The following SETX variants were observed in gnomAD, a reference collection of about 807,000 sequenced individuals.
SETX encodes the protein helicase senataxin.
Under a neutral mutation model 227.2 loss-of-function variants are expected in SETX, and 90 were observed. The ratio of observed to expected loss-of-function variants is 0.40; its 90% CI spans 0.33 to 0.47. SETX has a LOEUF of 0.47. Ranked by LOEUF, SETX falls within the 20% of genes least tolerant of loss-of-function variation. The probability of loss-of-function intolerance (pLI) is 0.91; values close to 1 mark genes in which losing one functional copy is unlikely to be tolerated. For synonymous variants in SETX, 1,210 were observed against 1,113.2 expected, an observed-to-expected ratio of 1.09 and a Z score of -1.73; for missense variants, 3,052 against 3,181.5, an observed-to-expected ratio of 0.96 and a Z score of 0.98.
At chr9:132,321,653 T>TC (rs1554818571) in intron 10 of SETX, among the ~76,000 whole-genome samples, 6 of 15,738 alleles carry the variant, frequency 3.8e-4, no homozygotes, top group Admixed American at 9.4e-4. Context: ...CGATACTGTC[T>TC]CAAAAAAAAA....
At chr9:132,345,138 T>C (rs941341342) in intron 4 of SETX, among the ~76,000 whole-genome samples, 18 of 152,156 alleles carry the variant, frequency 1.2e-4, no homozygotes, top group African/African-American at 4.1e-4. Context: ...GCTAGCGGCA[T>C]TTAGTAGACA....
chr9:132,348,945 C>T (rs150463393), intron 3 of SETX, among the ~76,000 whole-genome samples: 42 of 152,144 alleles, frequency 2.8e-4, no homozygotes, highest in African/African-American at 9.9e-4. Flanking sequence ...CATAGCAAAA[C>T]AAACTATGAA....
intron 7 of SETX, among the ~76,000 whole-genome samples, chr9:132,333,416 TACACACAC>T (rs764524464): frequency 3.1e-4 from 27 of 88,068 alleles, no homozygotes; most frequent in African/African-American, 8.8e-4. Flanking sequence ...AAAATATATA[TACACACAC>T]ACACACACAC....
Position 132,326,599 on chromosome 9 carries a change from AATT to A in SETX, c.4996_4998del (p.Asn1666del). On this transcript the variant is annotated inframe_deletion, in exon 10 of 26. Transcript: ENST00000224140. ...GGAACTTTGCAACCTTGCCTGTTGG[AATT>A]ATTCGGAGACTGAGGATGAAGAACA... 2 of 1,614,202 alleles carry A rather than the reference AATT, an allele frequency of 1.2e-6. No homozygotes were observed. The highest frequency in any genetic ancestry group is 4.5e-5 in the East Asian group (2 of 44,888).
chr9:132,269,769 T>C (rs1365260355), intron 24 of SETX, 67 bp from the exon 25 acceptor site: 5 of 1,503,992 alleles, frequency 3.3e-6, no homozygotes, highest in Non-Finnish European at 4.6e-6. Flanking sequence ...GAGACAAAGG[T>C]GGACTCTAGA....
chr9:132,319,256 GGCTACTATAGTA>G (rs1249819586), intron 10 of SETX, among the ~76,000 whole-genome samples: 2 of 151,690 alleles, frequency 1.3e-5, no homozygotes, highest in African/African-American at 4.9e-5. Context: ...CTTTCTCCTG[GGCTACTATAGTA>G]GCCCCTTGAC....
At chr9:132,324,873 A>G (rs1165700944) in intron 10 of SETX, among the ~76,000 whole-genome samples, 3 of 152,220 alleles carry the variant, frequency 2.0e-5, no homozygotes, top group Admixed American at 6.5e-5. Flanking sequence ...ACCTGCCTTG[A>G]AAACACACAC....
intron 3 of SETX, 39 bp downstream of exon 3, chr9:132,349,213 T>C (rs1343135585): frequency 6.3e-7 from 1 of 1,590,994 alleles, no homozygotes; most frequent in Non-Finnish European, 8.6e-7. Flanking sequence ...TTCCCAGCTA[T>C]CAAGCTCTGA....
At position 132,281,503 on chromosome 9, in the gene SETX, T is replaced by C. The variant is rs754128040; in HGVS notation, c.6618A>G (p.Gly2206=). Residue 2206 remains glycine, a synonymous_variant, in exon 20 of 26, where the codon GGA becomes GGG. Transcript: ENST00000224140. Reference sequence around the variant, plus strand: ...CTGTCGGAGGGAGCTGCTTAGGATCTCCTACTAGGATGAGCTTATTGCAGC... The same window carrying C: ...CTGTCGGAGGGAGCTGCTTAGGATCCCCTACTAGGATGAGCTTATTGCAGC... The part of the protein sequence containing the change: ...IHRCNKLILV[G]DPKQLPPTVI... 1 of 1,613,958 alleles carries C rather than the reference T, an allele frequency of 6.2e-7. No homozygotes were observed. The highest frequency in any genetic ancestry group is 1.7e-5 in the Admixed American group (1 of 60,010).
intron 25 of SETX, among the ~76,000 whole-genome samples, chr9:132,265,263 G>C (rs955774336): frequency 1.7e-5 from 2 of 116,104 alleles, no homozygotes; most frequent in African/African-American, 7.1e-5. Context: ...GACTCACTCT[G>C]TTGCCAGGCT....
At chr9:132,306,943 C>T (rs1352059679) in intron 11 of SETX, among the ~76,000 whole-genome samples, 2 of 152,204 alleles carry the variant, frequency 1.3e-5, no homozygotes, top group Non-Finnish European at 2.9e-5. Context: ...AACCAAAATA[C>T]TCCCTTTTTA....
rs1268871898 is a variant in SETX, at chr9:132,328,923, T to C, written c.2675A>G (p.Asp892Gly). ...NNCKIQEFHV[D>G]GKELIPFTEM... is the part of the protein sequence containing the mutation. ...TGTAAAAGGGATCAATTCTTTACCATCAACATGAAATTCCTGTATTTTACA... is the reference window on the plus strand; with the variant it reads ...TGTAAAAGGGATCAATTCTTTACCACCAACATGAAATTCCTGTATTTTACA... Residue 892 changes from aspartate to glycine, a missense_variant, in exon 10 of 26, where the codon GAT becomes GGT. By Grantham distance (94) the Asp-to-Gly change is moderately conservative (BLOSUM62 -1). Transcript: ENST00000224140. 6.2e-7 allele frequency: 1 copy of C among 1,613,104 alleles called. No homozygotes were observed. Among genetic ancestry groups the C allele is most frequent in the Admixed American group, 1.7e-5 (1 of 59,852 alleles).
chr9:132,351,963 T>C (rs1011666351), intron 2 of SETX, among the ~76,000 whole-genome samples: 5 of 152,226 alleles, frequency 3.3e-5, no homozygotes, highest in Non-Finnish European at 7.3e-5. Context: ...TGCTTCACCA[T>C]AGGTATTACT....
At chr9:132,342,431 T>C (rs767246477) in intron 5 of SETX, among the ~76,000 whole-genome samples, 13 of 152,188 alleles carry the variant, frequency 8.5e-5, no homozygotes, top group Admixed American at 3.3e-4. Flanking sequence ...TTGAGTTCAA[T>C]TCAACATACT....
rs1226210209 is a variant in SETX at position 132,327,472 on chromosome 9, C to A, written c.4126G>T (p.Ala1376Ser). 2 of 1,614,146 alleles carry A rather than the reference C, an allele frequency of 1.2e-6. No homozygotes were observed. The highest frequency in any genetic ancestry group is 1.3e-5 in the African/African-American group (1 of 75,048). The change falls in exon 10 of 26, where the codon GCA (alanine) becomes TCA (serine). Residue 1376 changes from alanine to serine, a missense_variant. By Grantham distance (99) the Ala-to-Ser change is moderately conservative (BLOSUM62 1). Transcript: ENST00000224140. The stretch of plus-strand genomic sequence containing the variant: ...GAATTCTGTGCTGTATGTGACCCTG[C>A]TCTTTTAACATCTGTACTTTCACAA... ...SDCESTDVKR[A>S]GSHTAQNSDI...
intron 25 of SETX, among the ~76,000 whole-genome samples, chr9:132,265,307 C>G (rs1442339665): frequency 2.1e-5 from 3 of 145,016 alleles, no homozygotes; most frequent in Admixed American, 1.4e-4. Context: ...CTCACTGCAA[C>G]CTCCACCTCC....
intron 10 of SETX, among the ~76,000 whole-genome samples, chr9:132,312,761 A>G (rs2131360318): frequency 6.6e-6 from 1 of 152,270 alleles, no homozygotes; most frequent in African/African-American, 2.4e-5. Context: ...CAGTAAGGCA[A>G]CTCCATAGAA....
chr9:132,296,339 G>T (rs2131286644), intron 14 of SETX, among the ~76,000 whole-genome samples: 1 of 152,302 alleles, frequency 6.6e-6, no homozygotes, highest in South Asian at 2.1e-4. Flanking sequence ...GATCACTTGA[G>T]GTCAGGAGCT....
chr9:132,286,885 G>A (rs892659078), intron 17 of SETX, among the ~76,000 whole-genome samples: 2 of 152,198 alleles, frequency 1.3e-5, no homozygotes, highest in African/African-American at 4.8e-5. Context: ...TGCTCACCCA[G>A]GGACTAAACT....
Sources: gnomAD v4.1 joint callset for allele counts (sites outside exome capture counted in the v4.1 genomes callset) on GRCh38, gnomAD v4.1.1 for gene constraint, MANE v1.5 for transcripts, NCBI Gene and HGNC (gene_info 2026-07-23, HGNC 2026-07-21) for gene names.